The following CHRNB3 variants were observed in gnomAD, a reference collection of about 807,000 sequenced individuals.
CHRNB3 encodes neuronal acetylcholine receptor subunit beta-3.
In CHRNB3, 37 loss-of-function variants were observed where a neutral mutation model predicts 40.6. That is an observed-to-expected ratio of 0.91 (90% CI 0.70 to 1.20). The LOEUF is 1.20. Ranked by LOEUF, CHRNB3 falls within the 50% of genes most tolerant of loss-of-function variation. CHRNB3 has a pLI of 0.00. For synonymous variants in CHRNB3, 207 were observed against 207.1 expected (o/e 1.00, Z 0.00); for missense variants, 505 against 551.2 (o/e 0.92, Z 0.84).
At chr8:42,711,528 G>C (rs1438147628) in intron 3 of CHRNB3, among the ~76,000 whole-genome samples, 1 of 151,816 alleles carries the variant, frequency 6.6e-6, no homozygotes, top group Non-Finnish European at 1.5e-5. Flanking sequence ...CTAAGTAGCT[G>C]GGATTACAGG....
intron 3 of CHRNB3, among the ~76,000 whole-genome samples, chr8:42,724,535 C>T (rs62518216): frequency 0.032 from 4,888 of 152,124 alleles, 126 homozygotes; most frequent in Middle Eastern, 0.11. Flanking sequence ...TGGGGTTGGT[C>T]GACTGCTACA....
chr8:42,734,428 T>C (rs547181435), intron 5 of CHRNB3, among the ~76,000 whole-genome samples: 2 of 150,800 alleles, frequency 1.3e-5, no homozygotes, highest in Non-Finnish European at 3.0e-5. Flanking sequence ...GAATTTTTTT[T>C]TTTTTTTTTG....
At chr8:42,723,539 G>A (rs544766708) in intron 3 of CHRNB3, among the ~76,000 whole-genome samples, 4 of 152,284 alleles carry the variant, frequency 2.6e-5, no homozygotes, top group South Asian at 2.1e-4. Flanking sequence ...AGGTAAAAGC[G>A]TGGAGGATCT....
intron 1 of CHRNB3, among the ~76,000 whole-genome samples, chr8:42,704,922 T>C (rs1335307450): frequency 1.3e-5 from 2 of 152,176 alleles, no homozygotes; most frequent in African/African-American, 4.8e-5. Context: ...CTTAACCAAA[T>C]AGGAGATTGC....
chr8:42,732,663 A>G, intron 5 of CHRNB3, 114 bp downstream of exon 5: 6 of 994,276 alleles, frequency 6.0e-6, no homozygotes, highest in Non-Finnish European at 8.5e-6. Flanking sequence ...GTTATATAAG[A>G]CATGCTTTTT....
At chr8:42,733,231 G>A (rs1816459875) in intron 5 of CHRNB3, among the ~76,000 whole-genome samples, 1 of 151,920 alleles carries the variant, frequency 6.6e-6, no homozygotes, top group South Asian at 2.1e-4. Flanking sequence ...GGAGGCTGAG[G>A]CAGGAGGATG....
intron 3 of CHRNB3, among the ~76,000 whole-genome samples, chr8:42,720,064 T>A (rs935873468): frequency 2.7e-5 from 4 of 149,774 alleles, no homozygotes; most frequent in African/African-American, 9.9e-5. Flanking sequence ...GTTCCATCTT[T>A]GGCCAGCCTT....
At chr8:42,708,254 CAGG>C (rs1815951467) in intron 1 of CHRNB3, among the ~76,000 whole-genome samples, 1 of 152,136 alleles carries the variant, frequency 6.6e-6, no homozygotes, top group Non-Finnish European at 1.5e-5. Context: ...ACCACGAGGT[CAGG>C]AGATCGAGAC....
chr8:42,702,879 A>AT (rs1436292646), intron 1 of CHRNB3, among the ~76,000 whole-genome samples: 8 of 152,196 alleles, frequency 5.3e-5, no homozygotes, highest in Non-Finnish European at 1.5e-5. Context: ...AACAGCAAAT[A>AT]TATGTATATC....
intron 3 of CHRNB3, among the ~76,000 whole-genome samples, chr8:42,722,129 T>A (rs1226834696): frequency 6.6e-6 from 1 of 152,040 alleles, no homozygotes; most frequent in Non-Finnish European, 1.5e-5. Context: ...ATCCTAGCAC[T>A]TTGGGAAGCC....
At chr8:42,715,042 C>G (rs1210865548) in intron 3 of CHRNB3, 1 of 152,112 alleles carries the variant, frequency 6.6e-6, no homozygotes, top group Non-Finnish European at 1.5e-5. Context: ...ACTCCATCTT[C>G]CATCCCTTCA....
chr8:42,703,135 C>T (rs1186006606), intron 1 of CHRNB3, among the ~76,000 whole-genome samples: 1 of 151,890 alleles, frequency 6.6e-6, no homozygotes, highest in Non-Finnish European at 1.5e-5. Flanking sequence ...GTAAGAGATT[C>T]ATCCATGTCC....
intron 1 of CHRNB3, among the ~76,000 whole-genome samples, chr8:42,707,774 T>C (rs1563607786): frequency 6.6e-6 from 1 of 152,138 alleles, no homozygotes; most frequent in Non-Finnish European, 1.5e-5. Context: ...AGACTCTTCC[T>C]TGGGAAAAGA....
intron 3 of CHRNB3, chr8:42,725,429 G>C (rs1816292467): frequency 1.7e-6 from 1 of 574,500 alleles, no homozygotes; most frequent in Non-Finnish European, 3.1e-6. Context: ...TCCATTTTTT[G>C]AAGATAAAGC....
chr8:42,716,611 TA>T (rs953036356), intron 3 of CHRNB3, among the ~76,000 whole-genome samples: 13 of 152,076 alleles, frequency 8.5e-5, no homozygotes, highest in Admixed American at 2.6e-4. Flanking sequence ...CAGAAATGTC[TA>T]GGTGGGTGGT....
At chr8:42,713,721 T>C (rs1009587643) in intron 3 of CHRNB3, among the ~76,000 whole-genome samples, 1 of 152,174 alleles carries the variant, frequency 6.6e-6, no homozygotes, top group African/African-American at 2.4e-5. Context: ...ATTAATATAC[T>C]TTAATTGTGT....
chr8:42,698,851 G>A (rs180866735), intron 1 of CHRNB3, among the ~76,000 whole-genome samples: 5 of 152,236 alleles, frequency 3.3e-5, no homozygotes, highest in Admixed American at 6.5e-5. Flanking sequence ...AATGGTTAGC[G>A]AGGGTGTTTA....
Position 42,698,934 on chromosome 8 carries a change from G to A in CHRNB3, c.52+1336G>A, listed in dbSNP as rs139227486. On this transcript the variant is annotated intron_variant, in intron 1 of 5. Coordinates refer to ENST00000289957, the MANE Select transcript of CHRNB3 (RefSeq NM_000749.5). ...ATGATTACATAAGAAAACTGGAATTGCTTGGCCTCTGGCATTGGTCTCCAT... is the reference window on the plus strand; with the variant it reads ...ATGATTACATAAGAAAACTGGAATTACTTGGCCTCTGGCATTGGTCTCCAT... Among the ~76,000 whole-genome samples the A allele has an allele frequency of 2.2e-4, 33 of 152,294 alleles. No homozygotes were observed. In the East Asian group the frequency reaches 5.8e-3, roughly 27 times the overall value.
intron 5 of CHRNB3, among the ~76,000 whole-genome samples, chr8:42,734,712 C>T (rs927719711): frequency 6.6e-6 from 1 of 151,870 alleles, no homozygotes; most frequent in African/African-American, 2.4e-5. Context: ...AGCCACTGCA[C>T]CTGGCCAAGA....
Sources: gnomAD v4.1 joint callset for allele counts (sites outside exome capture counted in the v4.1 genomes callset) on GRCh38, gnomAD v4.1.1 for gene constraint, MANE v1.5 for transcripts, NCBI Gene and HGNC (gene_info 2026-07-23, HGNC 2026-07-21) for gene names.